Variants in NR4A3 observed in about 807,000 individuals in gnomAD.
The protein encoded by NR4A3 is nuclear receptor subfamily 4 group A member 3, also known as chondrosarcoma, extraskeletal myxoid, fused to EWS.
NR4A3 carries 13 observed loss-of-function variants against 55.6 expected under a neutral mutation model. The ratio of observed to expected loss-of-function variants is 0.23; its 90% confidence interval spans 0.15 to 0.37. NR4A3 has a LOEUF of 0.37. NR4A3 is among the 10% of genes least tolerant of loss of function. The pLI is 1.00. For missense variants in NR4A3, 646 were observed against 822.8 expected, an observed-to-expected ratio of 0.79 and a Z score of 2.63; for synonymous variants, 342 against 357.9, an observed-to-expected ratio of 0.96 and a Z score of 0.50.
chr9:99,862,575 AAAAAAAAAG>A (rs1564041231), intron 7 of NR4A3, among the ~76,000 whole-genome samples: 3 of 120,540 alleles, frequency 2.5e-5, no homozygotes, highest in African/African-American at 1.2e-4. Flanking sequence ...AAAAAAAAAA[AAAAAAAAAG>A]AGAGAGAAAT....
At chr9:99,835,609 T>C (rs1255302086) in intron 5 of NR4A3, among the ~76,000 whole-genome samples, 3 of 152,184 alleles carry the variant, frequency 2.0e-5, no homozygotes, top group Non-Finnish European at 4.4e-5. Context: ...GAAAGCACAA[T>C]AGATGGTCAG....
intron 5 of NR4A3, chr9:99,833,878 C>T (rs541389034): frequency 3.2e-6 from 4 of 1,253,694 alleles, no homozygotes; most frequent in African/African-American, 1.5e-5. Context: ...CATTGATTGA[C>T]CTGCTGCTTA....
Position 99,828,384 on chromosome 9 carries a change from G to T in NR4A3, c.342G>T (p.Gln114His). Reference protein sequence around the residue: ...HHHHHQQQHQQPSIPPASSPE... With the variant: ...HHHHHQQQHQHPSIPPASSPE... ...ACCATCACCAGCAGCAGCATCAGCAGCCATCCATTCCTCCAGCCTCCAGCC... is the reference window on the plus strand; with the variant it reads ...ACCATCACCAGCAGCAGCATCAGCATCCATCCATTCCTCCAGCCTCCAGCC... Residue 114 changes from glutamine (Q) to histidine (H), a missense_variant, in exon 3 of 8, where the codon CAG becomes CAT. Gln to His is a conservative substitution (Grantham distance 24, BLOSUM62 0). Transcript: ENST00000395097. The surrounding 1 kb of genome is among the most constrained non-coding windows in gnomAD (Gnocchi z 7.7). 1 of 1,594,224 alleles carries T rather than the reference G, an allele frequency of 6.3e-7. No individual in the cohort carries two copies. Among genetic ancestry groups the T allele is most frequent in the Non-Finnish European group, 8.5e-7 (1 of 1,170,372 alleles).
intron 3 of NR4A3, among the ~76,000 whole-genome samples, chr9:99,830,602 A>T (rs920072192): frequency 6.6e-6 from 1 of 152,224 alleles, no homozygotes; most frequent in Non-Finnish European, 1.5e-5. Context: ...TGGGATTATG[A>T]TGTTTTAAAT....
At chr9:99,858,044 C>A (rs1827957127) in intron 7 of NR4A3, among the ~76,000 whole-genome samples, 1 of 152,022 alleles carries the variant, frequency 6.6e-6, no homozygotes, top group Non-Finnish European at 1.5e-5. Flanking sequence ...GCTGGAGATA[C>A]AATGTTGAGC....
At chr9:99,851,890 A>C (rs1391055138) in intron 7 of NR4A3, among the ~76,000 whole-genome samples, 1 of 152,104 alleles carries the variant, frequency 6.6e-6, no homozygotes, top group Admixed American at 6.5e-5. Context: ...ATAAATATCC[A>C]CTCATTAAAT....
At position 99,860,019 on chromosome 9, in the gene NR4A3, G is replaced by A. The variant is rs181171228; in HGVS notation, c.1634-3601G>A. ...CTTCACAAAGGACGAAATCCATCTC[G>A]TTCTATTTTAACATTATTATACAAA... is the stretch of plus-strand genomic sequence containing the variant. On this transcript the variant is annotated intron_variant, in intron 7 of 7. Coordinates refer to ENST00000395097, the MANE Select transcript of NR4A3 (RefSeq NM_006981.4). Among the ~76,000 whole-genome samples the A allele has an allele frequency of 1.5e-3, 230 of 152,184 alleles. 1 individual carries two copies. The highest frequency in any genetic ancestry group is 2.8e-3 in the Non-Finnish European group (190 of 68,000).
intron 5 of NR4A3, 166 bp downstream of exon 5, chr9:99,833,620 A>G (rs1352777458): frequency 5.6e-6 from 9 of 1,597,980 alleles, no homozygotes; most frequent in Admixed American, 1.7e-5. Context: ...CATCCATTGC[A>G]GCAAATAATT....
intron 2 of NR4A3, chr9:99,826,621 G>C: frequency 3.1e-6 from 2 of 655,460 alleles, no homozygotes; most frequent in Non-Finnish European, 5.5e-6. Context: ...CCAACAACTG[G>C]ACAGCAAGAT....
At chr9:99,843,114 C>G (rs989666927) in intron 5 of NR4A3, among the ~76,000 whole-genome samples, 1 of 152,224 alleles carries the variant, frequency 6.6e-6, no homozygotes, top group African/African-American at 2.4e-5. Flanking sequence ...TCAAGAAAAA[C>G]TCTGGTTCCA....
chr9:99,847,449 T>A lies in NR4A3; in HGVS notation c.1467T>A (p.Ala489=). The change falls in exon 7 of 8, where the codon GCT becomes GCA. Residue 489 remains alanine, a synonymous_variant. Transcript: ENST00000395097. ...VLRLSIRSNT[A]EDKFVFCNGL... ...TCTCACCTCCCAGGTCAAACACTGC[T>A]GAAGATAAGTTTGTGTTCTGCAATG... The A allele has an allele frequency of 6.2e-7, 1 of 1,614,190 alleles. No homozygotes were observed. Among genetic ancestry groups the A allele is most frequent in the Non-Finnish European group, 8.5e-7 (1 of 1,179,996 alleles).
chr9:99,829,467 T>C (rs1827397233), intron 3 of NR4A3, among the ~76,000 whole-genome samples: 1 of 152,228 alleles, frequency 6.6e-6, no homozygotes, highest in Non-Finnish European at 1.5e-5. Flanking sequence ...CTATTTTTAG[T>C]AACAGTGTTT....
chr9:99,834,666 T>A, intron 5 of NR4A3: 1 of 352,324 alleles, frequency 2.8e-6, no homozygotes, highest in Non-Finnish European at 4.0e-6. Context: ...ACAGTGTGAG[T>A]GTGTCCCTGC....
At chr9:99,850,845 C>T (rs1302401445) in intron 7 of NR4A3, among the ~76,000 whole-genome samples, 1 of 152,186 alleles carries the variant, frequency 6.6e-6, no homozygotes, top group Non-Finnish European at 1.5e-5. Context: ...TATGGTCCCC[C>T]TTGGAGTGAT....
At chr9:99,857,950 A>T (rs1272893401) in intron 7 of NR4A3, among the ~76,000 whole-genome samples, 1 of 152,150 alleles carries the variant, frequency 6.6e-6, no homozygotes, top group African/African-American at 2.4e-5. Flanking sequence ...TAGTGCTTAT[A>T]TAATCATTTC....
chr9:99,833,948 A>T, intron 5 of NR4A3: 1 of 1,174,504 alleles, frequency 8.5e-7, no homozygotes, highest in Non-Finnish European at 1.1e-6. Flanking sequence ...ATCAGTTGTC[A>T]GGAGAACTGG....
At chr9:99,856,740 C>T (rs965666230) in intron 7 of NR4A3, among the ~76,000 whole-genome samples, 1 of 152,222 alleles carries the variant, frequency 6.6e-6, no homozygotes, top group Non-Finnish European at 1.5e-5. Context: ...CCAGCATTCA[C>T]ATCACTGGGC....
At position 99,847,579 on chromosome 9, in the gene NR4A3, G is replaced by A. The variant is rs1827776511; in HGVS notation, c.1597G>A (p.Ala533Thr). 1 of 1,614,102 alleles carries A rather than the reference G, an allele frequency of 6.2e-7. No homozygotes were observed. The highest frequency in any genetic ancestry group is 8.5e-7 in the Non-Finnish European group (1 of 1,180,026). ...NLQSLNLDIQALACLSALSMI... is the reference protein window; with the variant it reads ...NLQSLNLDIQTLACLSALSMI... ...GCAGAGCCTGAACCTTGATATCCAA[G>A]CCTTAGCCTGCCTGTCAGCACTGAG... is the stretch of plus-strand genomic sequence containing the variant. Residue 533 changes from alanine (A) to threonine (T), a missense_variant, in exon 7 of 8, where the codon GCC (alanine) becomes ACC (threonine). Physicochemically the swap from Ala to Thr is moderately conservative, Grantham distance 58. Around this residue, in one of 5 missense-constraint regions of NR4A3, gnomAD observed 163 missense variants for 233.0 expected, o/e 0.70. Coordinates refer to ENST00000395097, the MANE Select transcript of NR4A3 (RefSeq NM_006981.4).
intron 7 of NR4A3, among the ~76,000 whole-genome samples, chr9:99,855,002 T>A (rs1004021596): frequency 6.7e-6 from 1 of 149,834 alleles, no homozygotes; most frequent in Non-Finnish European, 1.5e-5. Flanking sequence ...CTCTTTTAGT[T>A]CCTTGAGCAG....
Sources: gnomAD v4.1 joint callset for allele counts (sites outside exome capture counted in the v4.1 genomes callset) on GRCh38, gnomAD v4.1.1 for gene constraint, gnomAD v4.1.1 regional missense constraint, Gnocchi (gnomAD v3.1) non-coding constraint, MANE v1.5 for transcripts, NCBI Gene and HGNC (gene_info 2026-07-23, HGNC 2026-07-21) for gene names.